CASQ2: variants seen among roughly 807,000 people sequenced by gnomAD.
CASQ2 encodes the protein calsequestrin 2.
A neutral mutation model predicts 46.5 loss-of-function variants in CASQ2; 49 were observed. The observed-to-expected ratio is 1.05, with a 90% confidence interval of 0.84 to 1.34. The LOEUF is 1.34. Among genes scored for constraint, CASQ2 ranks in the 40% most tolerant of loss-of-function variants. The pLI, the probability that CASQ2 is intolerant of heterozygous loss-of-function variation, is 0.00. For missense variants in CASQ2, 486 were observed against 481.3 expected, an observed-to-expected ratio of 1.01 and a Z score of -0.09; for synonymous variants, 174 against 168.5, an observed-to-expected ratio of 1.03 and a Z score of -0.25.
At chr1:115,726,966 C>A (rs1186570051) in intron 6 of CASQ2, 26 bp downstream of exon 6, 1 of 1,520,314 alleles carries the variant, frequency 6.6e-7, no homozygotes, top group Non-Finnish European at 9.1e-7. Context: ...CCCAGGCCCC[C>A]AGCCCCCACA....
intron 8 of CASQ2, among the ~76,000 whole-genome samples, chr1:115,706,665 C>T (rs569363616): frequency 2.0e-5 from 3 of 152,302 alleles, no homozygotes; most frequent in Non-Finnish European, 2.9e-5. Context: ...GAAATTTATA[C>T]GTTGAATACA....
chr1:115,701,603 T>C (rs191994908), intron 10 of CASQ2, among the ~76,000 whole-genome samples, 177 bp from the exon 11 acceptor site: 45 of 152,336 alleles, frequency 3.0e-4, no homozygotes, highest in African/African-American at 1.1e-3. Context: ...GTATACTGTT[T>C]GTGTTGCATA....
intron 1 of CASQ2, among the ~76,000 whole-genome samples, chr1:115,750,250 C>G (rs896934079): frequency 7.2e-5 from 11 of 152,180 alleles, no homozygotes; most frequent in African/African-American, 2.4e-4. Flanking sequence ...AAAACTAGTA[C>G]AGACTTTTCA....
intron 1 of CASQ2, among the ~76,000 whole-genome samples, chr1:115,761,394 C>CA (rs1327405541): frequency 1.2e-4 from 2 of 16,496 alleles, no homozygotes; most frequent in South Asian, 4.3e-3. Flanking sequence ...AAGACTCAGT[C>CA]AAAAAAAAAA....
intron 1 of CASQ2, among the ~76,000 whole-genome samples, chr1:115,755,003 G>T (rs952109027): frequency 4.6e-5 from 7 of 152,150 alleles, no homozygotes; most frequent in Admixed American, 2.0e-4. Context: ...CCAAGAATTT[G>T]CATTTCTGCC....
rs138573798 is a variant in CASQ2 at position 115,710,932 on chromosome 1, C to T, written c.839-5640G>A. Among the ~76,000 whole-genome samples the T allele has an allele frequency of 1.3e-3, 200 of 152,284 alleles. 2 individuals are homozygous for T. Among genetic ancestry groups the T allele is most frequent in the African/African-American group, 4.5e-3 (189 of 41,554 alleles). On this transcript the variant is annotated intron_variant, in intron 8 of 10. Transcript: ENST00000261448. The stretch of plus-strand genomic sequence containing the variant: ...TGATTATCCTCTTCTGTTTCCCTGG[C>T]AGGGACTGGTGGGAATGAGCCTTCA...
intron 6 of CASQ2, 23 bp downstream of exon 6, chr1:115,726,969 C>T (rs770375442): frequency 1.7e-5 from 27 of 1,566,554 alleles, no homozygotes; most frequent in South Asian, 3.4e-5. Context: ...AGGCCCCCAG[C>T]CCCCACATGC....
At chr1:115,727,209 T>C in intron 5 of CASQ2, 87 bp from the exon 6 acceptor site, 1 of 1,070,500 alleles carries the variant, frequency 9.3e-7, no homozygotes, top group South Asian at 1.3e-5. Flanking sequence ...GTGTGTATGT[T>C]TTCCGGCAAA....
intron 4 of CASQ2, among the ~76,000 whole-genome samples, chr1:115,733,594 A>G (rs1320536423): frequency 6.6e-6 from 1 of 152,158 alleles, no homozygotes; most frequent in Non-Finnish European, 1.5e-5. Flanking sequence ...ACTTGAGTCC[A>G]TACTGGCCGA....
At chr1:115,757,247 C>G (rs1056175253) in intron 1 of CASQ2, among the ~76,000 whole-genome samples, 1 of 152,136 alleles carries the variant, frequency 6.6e-6, no homozygotes, top group Non-Finnish European at 1.5e-5. Flanking sequence ...TCCAAGGATC[C>G]CCTGTATTAC....
Position 115,747,880 on chromosome 1 carries a change from T to C in CASQ2, c.235-2968A>G, listed in dbSNP as rs1387132880. Among the ~76,000 whole-genome samples the C allele has an allele frequency of 3.3e-5, 5 of 152,326 alleles. No individual in the cohort carries two copies. In the East Asian group the frequency reaches 9.6e-4, roughly 29 times the overall value. ...GTAGATTCCTTGGGATTTTTCTAGG[T>C]AGACAATTTTGTCACCTGCTAATAA... is the stretch of plus-strand genomic sequence containing the variant. On this transcript the variant is annotated intron_variant, in intron 1 of 10. Coordinates refer to ENST00000261448, the MANE Select transcript of CASQ2 (RefSeq NM_001232.4).
intron 7 of CASQ2, among the ~76,000 whole-genome samples, chr1:115,720,409 G>A (rs557848992): frequency 6.6e-6 from 1 of 152,104 alleles, no homozygotes; most frequent in East Asian, 1.9e-4. Flanking sequence ...ACTTCCCAAC[G>A]GCCCCATCTC....
chr1:115,722,048 T>C (rs1442529011), intron 7 of CASQ2, among the ~76,000 whole-genome samples: 2 of 152,148 alleles, frequency 1.3e-5, no homozygotes, highest in Non-Finnish European at 2.9e-5. Context: ...ATGGACTGAT[T>C]TCTGTTTCTC....
intron 1 of CASQ2, among the ~76,000 whole-genome samples, chr1:115,767,413 A>T (rs1649170568): frequency 2.0e-5 from 3 of 152,194 alleles, no homozygotes; most frequent in African/African-American, 7.2e-5. Context: ...CTATTAAACT[A>T]TTTCATCAAC....
At chr1:115,737,216 T>A (rs1387896811) in intron 4 of CASQ2, among the ~76,000 whole-genome samples, 2 of 152,214 alleles carry the variant, frequency 1.3e-5, no homozygotes, top group Non-Finnish European at 2.9e-5. Flanking sequence ...CACCTCCCTC[T>A]AGCACATTCA....
chr1:115,700,835 T>C lies in CASQ2; in HGVS notation c.*406A>G, dbSNP rs1453282409. The C allele has an allele frequency of 5.5e-6, 3 of 548,532 alleles. No individual in the cohort carries two copies. The highest frequency in any genetic ancestry group is 1.9e-5 in the African/African-American group (1 of 53,212). The allele number at this position is 548,532 out of a possible 1,614,324, so 34.0% of individuals were successfully genotyped here. A position where few individuals can be genotyped will look rare whatever the true frequency, so the allele number is the denominator to read the frequency against. On this transcript the variant is annotated 3_prime_UTR_variant, in exon 11 of 11. Coordinates refer to ENST00000261448, the MANE Select transcript of CASQ2 (RefSeq NM_001232.4). ...ATCATGTGTCTTCCCTGGGCTCTGA[T>C]TAAAAGGTCACTCTATGCCTGTGAG... is the stretch of plus-strand genomic sequence containing the variant.
At chr1:115,753,720 G>A (rs1648660970) in intron 1 of CASQ2, among the ~76,000 whole-genome samples, 2 of 152,178 alleles carry the variant, frequency 1.3e-5, no homozygotes, top group Admixed American at 1.3e-4. Flanking sequence ...GGAAAGACAG[G>A]AAGAAAGTTA....
chr1:115,719,434 T>C (rs1647292474), intron 7 of CASQ2, among the ~76,000 whole-genome samples: 1 of 152,226 alleles, frequency 6.6e-6, no homozygotes, highest in Non-Finnish European at 1.5e-5. Context: ...GCAGGCTTCA[T>C]TTCTGTGTGC....
intron 8 of CASQ2, among the ~76,000 whole-genome samples, chr1:115,717,061 C>T (rs1444641242): frequency 6.6e-6 from 1 of 152,150 alleles, no homozygotes; most frequent in East Asian, 1.9e-4. Flanking sequence ...CACCTCCCCA[C>T]CACCTTGGTC....
Sources: allele counts gnomAD v4.1 joint callset (sites outside exome capture counted in the v4.1 genomes callset), GRCh38; gene constraint gnomAD v4.1.1; transcripts MANE v1.5; gene names NCBI Gene and HGNC (gene_info 2026-07-23, HGNC 2026-07-21).